The following TSPAN14 variants were observed in gnomAD, a reference collection of about 807,000 sequenced individuals.
TSPAN14 encodes the protein tetraspanin-14.
A neutral mutation model predicts 36.6 loss-of-function variants in TSPAN14; 16 were observed. The ratio of observed to expected loss-of-function variants is 0.44; its 90% CI spans 0.30 to 0.66. The LOEUF (loss-of-function observed/expected upper bound fraction) is 0.66, where lower values mean the gene tolerates loss of function less well. Ranked by LOEUF, TSPAN14 falls within the 30% of genes least tolerant of loss-of-function variation. TSPAN14 has a pLI of 0.12. For missense variants in TSPAN14, 231 were observed against 355.1 expected (o/e 0.65, Z 2.81); for synonymous variants, 139 against 143.8 (o/e 0.97, Z 0.24).
chr10:80,514,194 A>G (rs1467608776), intron 7 of TSPAN14, 131 bp downstream of exon 7: 1 of 787,306 alleles, frequency 1.3e-6, no homozygotes, highest in Non-Finnish European at 2.2e-6. Context: ...ATGCCACCTA[A>G]GCTGAGCATA....
intron 1 of TSPAN14, among the ~76,000 whole-genome samples, chr10:80,459,833 C>A (rs1845891245): frequency 6.6e-6 from 1 of 152,170 alleles, no homozygotes; most frequent in Non-Finnish European, 1.5e-5. Flanking sequence ...ATGGGACTCT[C>A]AGCAGTAGGA....
intron 1 of TSPAN14, among the ~76,000 whole-genome samples, chr10:80,481,154 T>G (rs1057306311): frequency 1.3e-5 from 2 of 151,930 alleles, no homozygotes; most frequent in African/African-American, 4.8e-5. Context: ...ATACTGGATG[T>G]GAAAAACTTG....
chr10:80,504,403 A>G (rs1329519674), intron 2 of TSPAN14, among the ~76,000 whole-genome samples: 2 of 152,172 alleles, frequency 1.3e-5, no homozygotes, highest in Non-Finnish European at 2.9e-5. Flanking sequence ...CAGATAGTGC[A>G]CTGAAATGAG....
exon 9 of TSPAN14, chr10:80,522,064 T>G (rs1261466246): frequency 1.3e-5 from 2 of 152,206 alleles, no homozygotes; most frequent in Admixed American, 1.3e-4. Flanking sequence ...GGATACTGTT[T>G]TGATGAAATT....
At chr10:80,491,616 G>C (rs1589272752) in intron 2 of TSPAN14, among the ~76,000 whole-genome samples, 2 of 152,184 alleles carry the variant, frequency 1.3e-5, no homozygotes, top group East Asian at 3.8e-4. Flanking sequence ...ACATCAGGGA[G>C]CTCTACTAAC....
chr10:80,502,599 C>A (rs968349913), intron 2 of TSPAN14, among the ~76,000 whole-genome samples: 4 of 151,870 alleles, frequency 2.6e-5, no homozygotes, highest in Non-Finnish European at 4.4e-5. Flanking sequence ...TTCTCTCTTA[C>A]ACTTGCTGGG....
intron 3 of TSPAN14, among the ~76,000 whole-genome samples, chr10:80,505,644 C>T (rs1302812818): frequency 1.3e-5 from 2 of 152,190 alleles, no homozygotes; most frequent in Non-Finnish European, 2.9e-5. Flanking sequence ...GGTTTGGGCA[C>T]CTTCCAAGTG....
At chr10:80,496,240 T>C (rs145869973) in intron 2 of TSPAN14, among the ~76,000 whole-genome samples, 1 of 152,344 alleles carries the variant, frequency 6.6e-6, no homozygotes, top group East Asian at 1.9e-4. Flanking sequence ...TTTTCTTAGC[T>C]ACTTAAACTG....
chr10:80,505,566 A>C (rs1164571560), intron 3 of TSPAN14, among the ~76,000 whole-genome samples: 1 of 152,152 alleles, frequency 6.6e-6, no homozygotes, highest in East Asian at 1.9e-4. Flanking sequence ...CAGCAGGAGG[A>C]GGCAGGAGAA....
At chr10:80,471,607 G>C (rs1846554323) in intron 1 of TSPAN14, among the ~76,000 whole-genome samples, 1 of 152,188 alleles carries the variant, frequency 6.6e-6, no homozygotes, top group South Asian at 2.1e-4. Flanking sequence ...TATGGGTATA[G>C]GACACGTGCA....
At chr10:80,518,108 C>T (rs947490767) in exon 9 of TSPAN14, 62 of 940,854 alleles carry the variant, frequency 6.6e-5, no homozygotes, top group Non-Finnish European at 8.2e-5. Context: ...ATCAGCGTGA[C>T]GTGACCTCTC....
chr10:80,514,006 G>C lies in TSPAN14; in HGVS notation c.577-13G>C, dbSNP rs1269175489. ...GACGCCAGAAGCAACTAATTTTTCT[G>C]CTTTTCTTGCAGCAAAAAGTTGTGA... On this transcript the variant is annotated splice_polypyrimidine_tract_variant and intron_variant, in intron 6 of 8. Coordinates refer to ENST00000429989, the Ensembl canonical transcript of TSPAN14. The C allele has an allele frequency of 1.2e-6, 2 of 1,613,268 alleles. No homozygotes were observed. The highest frequency in any genetic ancestry group is 2.7e-5 in the African/African-American group (2 of 75,034).
At chr10:80,493,562 G>T (rs1310170327) in intron 2 of TSPAN14, among the ~76,000 whole-genome samples, 2 of 152,236 alleles carry the variant, frequency 1.3e-5, no homozygotes, top group East Asian at 3.8e-4. Context: ...AGATGTGAAA[G>T]AGCTTAAAAA....
chr10:80,485,602 C>T, intron 1 of TSPAN14: 1 of 984,724 alleles, frequency 1.0e-6, no homozygotes, highest in Non-Finnish European at 1.2e-6. Flanking sequence ...TTACCTTCTT[C>T]AGCTTAAACT....
exon 9 of TSPAN14, chr10:80,522,137 A>C (rs1841296041): frequency 6.6e-6 from 1 of 152,222 alleles, no homozygotes; most frequent in African/African-American, 2.4e-5. Context: ...AGGCTCCGAA[A>C]CAATTCTTTC....
chr10:80,468,987 C>G (rs1846390141), intron 1 of TSPAN14, among the ~76,000 whole-genome samples: 1 of 152,276 alleles, frequency 6.6e-6, no homozygotes, highest in East Asian at 1.9e-4. Context: ...TTAAAGTTGT[C>G]GACTTTAAAC....
At chr10:80,460,114 C>A (rs529064504) in intron 1 of TSPAN14, among the ~76,000 whole-genome samples, 1 of 152,174 alleles carries the variant, frequency 6.6e-6, no homozygotes, top group Non-Finnish European at 1.5e-5. Flanking sequence ...TAGGAATTAT[C>A]GCAATGGATT....
At chr10:80,462,896 G>T (rs551177445) in intron 1 of TSPAN14, among the ~76,000 whole-genome samples, 67 of 152,270 alleles carry the variant, frequency 4.4e-4, no homozygotes, top group African/African-American at 1.5e-3. Flanking sequence ...AGTGGGGAGG[G>T]CTCAGAGAAG....
At chr10:80,502,097 G>T (rs915140065) in intron 2 of TSPAN14, among the ~76,000 whole-genome samples, 9 of 152,234 alleles carry the variant, frequency 5.9e-5, no homozygotes, top group Non-Finnish European at 1.0e-4. Flanking sequence ...ACGCAGTGAG[G>T]GAGGAGCCAG....
Sources: gnomAD v4.1 joint callset for allele counts (sites outside exome capture counted in the v4.1 genomes callset) on GRCh38, gnomAD v4.1.1 for gene constraint, MANE v1.5 for transcripts, NCBI Gene and HGNC (gene_info 2026-07-23, HGNC 2026-07-21) for gene names.